The following DBP variants were observed in gnomAD, a reference collection of about 807,000 sequenced individuals.
DBP encodes the protein D-box binding PAR bZIP transcription factor.
DBP carries 12 observed loss-of-function variants against 21.4 expected under a neutral mutation model. That is an observed-to-expected ratio of 0.56 (90% CI 0.36 to 0.91). The LOEUF is 0.91. Ranked by LOEUF, DBP falls within the 40% of genes least tolerant of loss-of-function variation. DBP has a pLI of 0.01. For synonymous variants in DBP, 213 were observed against 224.9 expected (o/e 0.95, Z 0.47); for missense variants, 423 against 473.4 (o/e 0.89, Z 0.99).
chr19:48,630,524 G>A lies in DBP; in HGVS notation c.*313C>T. 6.5e-7 allele frequency: 1 copy of A among 1,534,622 alleles called. No homozygotes were observed. On this transcript the variant is annotated 3_prime_UTR_variant, in exon 4 of 4. Coordinates refer to ENST00000222122, the MANE Select transcript of DBP (RefSeq NM_001352.5). This position sits in a 1 kb window ranked among gnomAD's most constrained non-coding sequence, Gnocchi z 4.9. ...GCTGCCCACGGGCTGCAGCCAGTAT[G>A]CCAGGGAGCTGCCCTCTTCTTCCAC...
At chr19:48,636,187 CAG>C (rs1392199844) in intron 1 of DBP, among the ~76,000 whole-genome samples, 197 bp from the exon 2 acceptor site, 4 of 152,004 alleles carry the variant, frequency 2.6e-5, no homozygotes, top group African/African-American at 4.8e-5. Flanking sequence ...ACGGGGGTGG[CAG>C]AGACAGGTGG....
intron 3 of DBP, chr19:48,633,207 A>G (rs1473443373): frequency 9.8e-6 from 6 of 611,936 alleles, no homozygotes; most frequent in Middle Eastern, 8.8e-4. Context: ...TCAGCCCCCT[A>G]AAATGCTGGG....
At position 48,633,490 on chromosome 19, in the gene DBP, G is replaced by C. The variant is rs752339925; in HGVS notation, c.716C>G (p.Pro239Arg). ...GATTTTTCTTGCCTTCTTCATGATT[G>C]GCTGGGGCTTAAGTTCCTCTTCTGA... is the stretch of plus-strand genomic sequence containing the variant. Reference protein sequence around the residue: ...RFSEEELKPQPIMKKARKIQV... With the variant: ...RFSEEELKPQRIMKKARKIQV... Residue 239 changes from proline (P) to arginine (R), a missense_variant, in exon 3 of 4, where the codon CCA becomes CGA. Transcript: ENST00000222122. The C allele has an allele frequency of 2.5e-6, 4 of 1,614,042 alleles. No homozygotes were observed. The highest frequency in any genetic ancestry group is 1.7e-5 in the Admixed American group (1 of 59,998).
intron 3 of DBP, 158 bp downstream of exon 3, chr19:48,633,286 G>T: frequency 1.3e-6 from 1 of 769,098 alleles, no homozygotes; most frequent in Non-Finnish European, 2.3e-6. Flanking sequence ...GCCCCCTTGT[G>T]CCCCGTGGCC....
At position 48,633,513 on chromosome 19, in the gene DBP, T is replaced by A; in HGVS notation, c.693A>T (p.Ser231=). 6.2e-7 allele frequency: 1 copy of A among 1,614,198 alleles called. No individual in the cohort carries two copies. Residue 231 remains serine, a synonymous_variant, in exon 3 of 4, where the codon TCA becomes TCT. Coordinates refer to ENST00000222122, the MANE Select transcript of DBP (RefSeq NM_001352.5). ...ETFDPRRHRF[S]EEELKPQPIM... ...TTGGCTGGGGCTTAAGTTCCTCTTC[T>A]GAGAAGCGATGTCTTCGAGGGTCAA...
In DBP at chr19:48,630,964, G is replaced by C; in HGVS notation, c.851C>G (p.Ser284Trp). Residue 284 changes from serine to tryptophan, a missense_variant, in exon 4 of 4, where the codon TCG (serine) becomes TGG (tryptophan). This residue lies in a region of DBP where 30 missense variants were observed against 70.9 expected (regional missense o/e 0.42). Coordinates refer to ENST00000222122, the MANE Select transcript of DBP (RefSeq NM_001352.5). The surrounding 1 kb of genome is among the most constrained non-coding windows in gnomAD (Gnocchi z 4.9). Reference protein sequence around the residue: ...DARRLKENQISVRAAFLEKEN... With the variant: ...DARRLKENQIWVRAAFLEKEN... ...CTTCTCCAGGAAGGCCGCCCGCACC[G>C]ATATCTGGTTCTCCTTGAGCCGCCG... 6.2e-7 allele frequency: 1 copy of C among 1,613,554 alleles called. No homozygotes were observed. The highest frequency in any genetic ancestry group is 8.5e-7 in the Non-Finnish European group (1 of 1,179,938).
intron 2 of DBP, chr19:48,634,030 C>T (rs1462346308): frequency 3.5e-6 from 1 of 288,988 alleles, no homozygotes; most frequent in Non-Finnish European, 6.7e-6. Context: ...AACCCGGACC[C>T]TGGAGGTGGA....
Position 48,637,175 on chromosome 19 carries a change from G to A in DBP, c.-181C>T. 1.9e-6 allele frequency: 1 copy of A among 531,884 alleles called. No individual in the cohort carries two copies. The highest frequency in any genetic ancestry group is 3.2e-6 in the Non-Finnish European group (1 of 312,404). 32.9% of individuals were successfully genotyped at this position (531,884 alleles called of 1,614,324 possible). A position where few individuals can be genotyped will look rare whatever the true frequency, so the allele number is the denominator to read the frequency against. ...GGAGCGACGGGGATTTGAGGTCCTC[G>A]GTGCAGAAACGTGCAACTCAAGAGG... On this transcript the variant is annotated 5_prime_UTR_variant, in exon 1 of 4. Transcript: ENST00000222122.
intron 1 of DBP, among the ~76,000 whole-genome samples, chr19:48,636,436 G>A (rs1344581102): frequency 6.6e-6 from 1 of 151,960 alleles, no homozygotes. Context: ...GGGCAGGAAG[G>A]GGCTCTATTC....
At chr19:48,636,414 A>C in intron 1 of DBP, among the ~76,000 whole-genome samples, 2 of 149,990 alleles carry the variant, frequency 1.3e-5, no homozygotes, top group South Asian at 2.1e-4. Context: ...CCCCTCCCCC[A>C]CCATCTGTAA....
At chr19:48,632,608 T>C (rs1026557310) in intron 3 of DBP, 8 of 152,206 alleles carry the variant, frequency 5.3e-5, no homozygotes, top group African/African-American at 1.7e-4. Flanking sequence ...CAACTCTTGC[T>C]AGGGAAGACT....
chr19:48,635,991 C>T lies in DBP; in HGVS notation c.140-1G>A, dbSNP rs1204423699. The T allele has an allele frequency of 6.6e-7, 1 of 1,512,416 alleles. No homozygotes were observed. Among genetic ancestry groups the T allele is most frequent in the Non-Finnish European group, 8.8e-7 (1 of 1,136,358 alleles). The allele number at this position is 1,512,416 out of a possible 1,614,324, so 93.7% of individuals were successfully genotyped here. ...TTGCGCTCCTTTTCCTTCAGGAGAC[C>T]TGCGGGCCGGGAAAGACGGGTTGGG... On this transcript the variant is annotated splice_acceptor_variant, in intron 1 of 3. Transcript: ENST00000222122. LOFTEE classifies it high-confidence loss of function.
At chr19:48,631,103 A>G (rs1405411265) in intron 3 of DBP, 51 bp from the exon 4 acceptor site, 2 of 1,534,740 alleles carry the variant, frequency 1.3e-6, no homozygotes, top group Non-Finnish European at 1.8e-6. Context: ...CCCAGGTCCC[A>G]GCGAGAGAGG....
At position 48,635,920 on chromosome 19, in the gene DBP, A is replaced by G; in HGVS notation, c.210T>C (p.Thr70=). The stretch of plus-strand genomic sequence containing the variant: ...CAGCCGGGGCATCCGCCGGGCCCGC[A>G]GTCTCCAGGCCTGGCCCAGGGGTTG... ...AATTPGPGLE[T]AGPADAPAGA... is the part of the protein sequence containing the mutation. Residue 70 remains threonine (T), a synonymous_variant, in exon 2 of 4, where the codon ACT becomes ACC. Transcript: ENST00000222122. The G allele has an allele frequency of 6.9e-7, 1 of 1,450,486 alleles. No homozygotes were observed. The highest frequency in any genetic ancestry group is 1.4e-5 in the South Asian group (1 of 73,294). 89.9% of individuals were successfully genotyped at this position (1,450,486 alleles called of 1,614,324 possible). A position where few individuals can be genotyped will look rare whatever the true frequency, so the allele number is the denominator to read the frequency against.
intron 2 of DBP, 163 bp downstream of exon 2, chr19:48,635,417 G>A: frequency 1.4e-6 from 2 of 1,463,546 alleles, no homozygotes; most frequent in Non-Finnish European, 1.8e-6. Context: ...GACCCATTAA[G>A]AGACACCGAA....
In DBP at chr19:48,631,036, C is replaced by T. The variant is rs377467230; in HGVS notation, c.779G>A (p.Ser260Asn). ...TGCCTCGTTGTTCTTGTACCGCCGG[C>T]TCCAGTATTTCTCATCCTGCAGGAG... The part of the protein sequence containing the change: ...PEEQKDEKYW[S>N]RRYKNNEAAK... Residue 260 changes from serine to asparagine, a missense_variant, in exon 4 of 4, where the codon AGC becomes AAC. Physicochemically the swap from Ser to Asn is conservative, Grantham distance 46 (BLOSUM62 1). This residue lies in a region of DBP where 30 missense variants were observed against 70.9 expected (regional missense o/e 0.42). Transcript: ENST00000222122. 11 of 1,613,204 alleles carry T rather than the reference C, an allele frequency of 6.8e-6. No individual in the cohort carries two copies. The highest frequency in any genetic ancestry group is 1.7e-5 in the Admixed American group (1 of 59,962).
At chr19:48,634,005 C>A (rs960682335) in intron 2 of DBP, 8 of 319,964 alleles carry the variant, frequency 2.5e-5, no homozygotes, top group Non-Finnish European at 4.8e-5. Context: ...GAGGCTGAGG[C>A]TGGAGAATTG....
At chr19:48,633,866 C>T (rs1052628654) in intron 2 of DBP, 11 of 573,836 alleles carry the variant, frequency 1.9e-5, no homozygotes, top group South Asian at 6.4e-5. Flanking sequence ...TTTGGGAAGC[C>T]GAGGCGGCGA....
chr19:48,636,623 G>A (rs1302383005), intron 1 of DBP, among the ~76,000 whole-genome samples: 3 of 152,174 alleles, frequency 2.0e-5, no homozygotes, highest in Non-Finnish European at 4.4e-5. Flanking sequence ...AAGCGGGGAG[G>A]ACGTTGGGGA....
Sources: allele counts gnomAD v4.1 joint callset (sites outside exome capture counted in the v4.1 genomes callset), GRCh38; gene constraint gnomAD v4.1.1; regional missense constraint gnomAD v4.1.1; non-coding constraint Gnocchi (gnomAD v3.1); transcripts MANE v1.5; gene names NCBI Gene and HGNC (gene_info 2026-07-23, HGNC 2026-07-21).